Variants in UNC5D observed in about 807,000 individuals in gnomAD.
UNC5D encodes netrin receptor UNC5D.
UNC5D carries 39 observed loss-of-function variants against 105.4 expected under a neutral mutation model. That is an observed-to-expected ratio of 0.37 (90% confidence interval 0.29 to 0.48). UNC5D has a LOEUF of 0.48. Ranked by LOEUF, UNC5D falls within the 20% of genes least tolerant of loss-of-function variation. UNC5D has a pLI of 0.98. For synonymous variants in UNC5D, 452 were observed against 450.4 expected (o/e 1.00, Z -0.04); for missense variants, 991 against 1,202.4 (o/e 0.82, Z 2.60).
intron 1 of UNC5D, among the ~76,000 whole-genome samples, chr8:35,246,314 G>T (rs1332733179): frequency 6.6e-6 from 1 of 152,166 alleles, no homozygotes; most frequent in Non-Finnish European, 1.5e-5. Context: ...TCTGGAAATA[G>T]AAATTGCAGG....
At position 35,796,131 on chromosome 8, in the gene UNC5D, C is replaced by G. The variant is rs986175871; in HGVS notation, c.*5568C>G. The G allele has an allele frequency of 1.3e-5, 2 of 151,984 alleles. No individual in the cohort carries two copies. The highest frequency in any genetic ancestry group is 6.6e-5 in the Admixed American group (1 of 15,238). The allele number at this position is 151,984 out of a possible 1,614,324, so 9.4% of individuals were successfully genotyped here. A position where few individuals can be genotyped will look rare whatever the true frequency, so the allele number is the denominator to read the frequency against. ...AGCCAAAAAATAAAATAAAATAAAG[C>G]AGGGCTGAACACTTAATTTGACATG... On this transcript the variant is annotated 3_prime_UTR_variant, in exon 17 of 17. Coordinates refer to ENST00000404895, the MANE Select transcript of UNC5D (RefSeq NM_080872.4).
At chr8:35,470,640 A>T (rs1329535926) in intron 1 of UNC5D, among the ~76,000 whole-genome samples, 1 of 151,282 alleles carries the variant, frequency 6.6e-6, no homozygotes. Context: ...GCATGGTGGT[A>T]CATGCCTTTA....
intron 1 of UNC5D, among the ~76,000 whole-genome samples, chr8:35,274,574 C>A (rs1000098732): frequency 1.3e-5 from 2 of 152,070 alleles, no homozygotes; most frequent in African/African-American, 4.8e-5. Flanking sequence ...CTGAAGAGAA[C>A]CTCCAAATCT....
At chr8:35,745,752 G>C (rs1199666380) in intron 11 of UNC5D, among the ~76,000 whole-genome samples, 1 of 152,164 alleles carries the variant, frequency 6.6e-6, no homozygotes, top group Admixed American at 6.5e-5. Flanking sequence ...TATGCAAAAA[G>C]GTTTTTCAGT....
chr8:35,455,244 A>G (rs139921019), intron 1 of UNC5D, among the ~76,000 whole-genome samples: 1 of 151,626 alleles, frequency 6.6e-6, no homozygotes, highest in African/African-American at 2.4e-5. Flanking sequence ...TCATAAAGTT[A>G]TTCTATAAAA....
chr8:35,729,198 T>C (rs1385160965), intron 10 of UNC5D, among the ~76,000 whole-genome samples: 7 of 152,288 alleles, frequency 4.6e-5, no homozygotes, highest in South Asian at 2.1e-4. Flanking sequence ...TTAAGCCAAC[T>C]TGAAAGGAAT....
rs568497388 is a variant in UNC5D, at chr8:35,523,708, A to T, written c.104-25584A>T. 4.3e-4 allele frequency among the ~76,000 whole-genome samples: 46 copies of T among 108,004 alleles called. No homozygotes were observed. The East Asian group carries it at 6.8e-3, about 16-fold the overall frequency. 70.9% of individuals were successfully genotyped at this position (108,004 alleles called of 152,430 possible). A position where few individuals can be genotyped will look rare whatever the true frequency, so the allele number is the denominator to read the frequency against. ...TTTAATTTGATCCATTTATTTAATT[A>T]AAAAAAAAAGGAAGGGGAAAGAGAT... On this transcript the variant is annotated intron_variant, in intron 1 of 16. Transcript: ENST00000404895.
intron 1 of UNC5D, among the ~76,000 whole-genome samples, chr8:35,439,642 C>T (rs1018809041): frequency 5.3e-5 from 8 of 152,044 alleles, no homozygotes; most frequent in Admixed American, 6.6e-5. Flanking sequence ...ATGGGATAGA[C>T]TAAGGTATAT....
chr8:35,634,198 A>T (rs1822216614), intron 4 of UNC5D, among the ~76,000 whole-genome samples: 1 of 152,208 alleles, frequency 6.6e-6, no homozygotes, highest in African/African-American at 2.4e-5. Flanking sequence ...GTGAGATGAA[A>T]ACCTTAGGCA....
intron 1 of UNC5D, among the ~76,000 whole-genome samples, chr8:35,329,588 T>C (rs1464248385): frequency 2.0e-5 from 3 of 152,114 alleles, no homozygotes; most frequent in East Asian, 1.9e-4. Context: ...ATTTTGTTTA[T>C]ATATTTCCTC....
intron 1 of UNC5D, among the ~76,000 whole-genome samples, chr8:35,256,973 T>TTG (rs1554496147): frequency 4.2e-5 from 6 of 144,272 alleles, no homozygotes; most frequent in African/African-American, 1.7e-4. Context: ...TTTTTTTTTT[T>TTG]TTGTTTTTTG....
At chr8:35,475,090 T>A (rs770155099) in intron 1 of UNC5D, among the ~76,000 whole-genome samples, 1 of 152,190 alleles carries the variant, frequency 6.6e-6, no homozygotes, top group Non-Finnish European at 1.5e-5. Context: ...CAGTAAATAC[T>A]CAGGGATAAG....
chr8:35,459,113 T>C (rs1808701138), intron 1 of UNC5D, among the ~76,000 whole-genome samples: 1 of 152,198 alleles, frequency 6.6e-6, no homozygotes, highest in Admixed American at 6.6e-5. Context: ...TGATGTATTT[T>C]TCTTTTTCCT....
chr8:35,673,613 G>T (rs1824984816), intron 4 of UNC5D, among the ~76,000 whole-genome samples: 1 of 152,080 alleles, frequency 6.6e-6, no homozygotes, highest in African/African-American at 2.4e-5. Flanking sequence ...TTGCCGTGGG[G>T]ATCAAATAAG....
At chr8:35,713,345 A>G (rs1828070740) in intron 8 of UNC5D, among the ~76,000 whole-genome samples, 1 of 152,224 alleles carries the variant, frequency 6.6e-6, no homozygotes, top group Non-Finnish European at 1.5e-5. Context: ...AGTTTTCAGA[A>G]TAAGACATGA....
At chr8:35,723,299 G>T (rs1828681610) in intron 9 of UNC5D, among the ~76,000 whole-genome samples, 1 of 152,090 alleles carries the variant, frequency 6.6e-6, no homozygotes, top group Non-Finnish European at 1.5e-5. Flanking sequence ...AGAGAGATGA[G>T]TACCTTCCCT....
At chr8:35,450,333 G>A (rs556595170) in intron 1 of UNC5D, among the ~76,000 whole-genome samples, 3 of 152,150 alleles carry the variant, frequency 2.0e-5, no homozygotes, top group South Asian at 2.1e-4. Context: ...CTATCAATAC[G>A]GAGAATAATC....
Position 35,484,145 on chromosome 8 carries a change from T to C in UNC5D, c.104-65147T>C, listed in dbSNP as rs2130014476. 2.0e-5 allele frequency among the ~76,000 whole-genome samples: 3 copies of C among 152,046 alleles called. 1 individual carries two copies. The East Asian group carries it at 5.8e-4, about 29-fold the overall frequency. On this transcript the variant is annotated intron_variant, in intron 1 of 16. Coordinates refer to ENST00000404895, the MANE Select transcript of UNC5D (RefSeq NM_080872.4). ...TTATATTCAATCACCAAGAAATCAA[T>C]GCCAAGCTCCTTGTCCAAAGCCCAT...
intron 16 of UNC5D, among the ~76,000 whole-genome samples, chr8:35,789,889 G>A (rs1802950433): frequency 7.5e-6 from 1 of 133,454 alleles, no homozygotes; most frequent in Admixed American, 7.3e-5. Context: ...GGATAGTCAA[G>A]AAGAAAACAC....
Sources: allele counts gnomAD v4.1 joint callset (sites outside exome capture counted in the v4.1 genomes callset), GRCh38; gene constraint gnomAD v4.1.1; transcripts MANE v1.5; gene names NCBI Gene and HGNC (gene_info 2026-07-23, HGNC 2026-07-21).